Variants in SHISA6 observed in about 807,000 individuals in gnomAD.
SHISA6 encodes the protein shisa family member 6.
SHISA6 carries 22 observed loss-of-function variants against 47.9 expected under a neutral mutation model. The ratio of observed to expected loss-of-function variants is 0.46; its 90% confidence interval spans 0.33 to 0.66. The LOEUF is 0.66. Ranked by LOEUF, SHISA6 falls within the 30% of genes least tolerant of loss-of-function variation. The pLI, the probability that SHISA6 is intolerant of heterozygous loss-of-function variation, is 0.02. For missense variants in SHISA6, 680 were observed against 764.6 expected, an observed-to-expected ratio of 0.89 and a Z score of 1.30; for synonymous variants, 388 against 337.8, an observed-to-expected ratio of 1.15 and a Z score of -1.63.
At chr17:11,536,585 G>A (rs1171690426) in intron 3 of SHISA6, among the ~76,000 whole-genome samples, 2 of 152,124 alleles carry the variant, frequency 1.3e-5, no homozygotes, top group South Asian at 4.1e-4. Context: ...TCTGAAATTT[G>A]CAAAAGAATC....
At chr17:11,415,192 GTATT>G (rs1449143070) in intron 3 of SHISA6, among the ~76,000 whole-genome samples, 1 of 152,138 alleles carries the variant, frequency 6.6e-6, no homozygotes, top group African/African-American at 2.4e-5. Context: ...GGTGTACTAA[GTATT>G]TGTATGTGAT....
intron 3 of SHISA6, among the ~76,000 whole-genome samples, chr17:11,531,101 C>A (rs886461265): frequency 6.6e-6 from 1 of 151,984 alleles, no homozygotes; most frequent in Non-Finnish European, 1.5e-5. Flanking sequence ...AACAAAGAAA[C>A]AGCTCAGATA....
chr17:11,356,989 C>T (rs138116079), intron 2 of SHISA6, among the ~76,000 whole-genome samples: 2 of 151,734 alleles, frequency 1.3e-5, no homozygotes, highest in African/African-American at 2.4e-5. Flanking sequence ...TGGCCAACAT[C>T]GTGAAATCCT....
intron 3 of SHISA6, among the ~76,000 whole-genome samples, chr17:11,404,523 A>G (rs1180564185): frequency 1.3e-5 from 2 of 151,630 alleles, no homozygotes; most frequent in African/African-American, 4.8e-5. Flanking sequence ...TTGACTGACC[A>G]CCCCCATTTG....
intron 3 of SHISA6, among the ~76,000 whole-genome samples, chr17:11,383,600 T>G (rs1913100458): frequency 6.6e-6 from 1 of 152,144 alleles, no homozygotes; most frequent in Admixed American, 6.5e-5. Flanking sequence ...TAGCACTACC[T>G]TAGGCTTCCC....
intron 2 of SHISA6, among the ~76,000 whole-genome samples, chr17:11,333,848 A>G (rs906941616): frequency 2.6e-5 from 4 of 152,140 alleles, no homozygotes; most frequent in Non-Finnish European, 5.9e-5. Context: ...AAAAACCCCT[A>G]AACAATGGAG....
At chr17:11,447,172 G>C (rs1915260462) in intron 3 of SHISA6, among the ~76,000 whole-genome samples, 1 of 152,142 alleles carries the variant, frequency 6.6e-6, no homozygotes, top group African/African-American at 2.4e-5. Flanking sequence ...ATACACATTA[G>C]AACACAAGAA....
At chr17:11,336,194 C>G (rs1293839568) in intron 2 of SHISA6, among the ~76,000 whole-genome samples, 1 of 152,060 alleles carries the variant, frequency 6.6e-6, no homozygotes, top group Non-Finnish European at 1.5e-5. Context: ...GAGCAAGACT[C>G]ACTCTCTCAA....
At chr17:11,555,251 C>G (rs1345363813) in intron 4 of SHISA6, among the ~76,000 whole-genome samples, 7 of 152,136 alleles carry the variant, frequency 4.6e-5, no homozygotes. Context: ...GGTTGGGTCT[C>G]AGTGGAGCTG....
intron 3 of SHISA6, among the ~76,000 whole-genome samples, chr17:11,448,222 G>A (rs971918242): frequency 3.8e-5 from 5 of 131,070 alleles, no homozygotes; most frequent in South Asian, 2.6e-4. Flanking sequence ...TCTTTGGGGC[G>A]GGCTTAATCT....
chr17:11,458,391 G>A (rs1026888374), intron 3 of SHISA6, among the ~76,000 whole-genome samples: 2 of 152,134 alleles, frequency 1.3e-5, no homozygotes, highest in Non-Finnish European at 2.9e-5. Context: ...TGGGTGTGTT[G>A]TCAGGGAATA....
At chr17:11,544,075 T>C (rs2908959) in intron 3 of SHISA6, among the ~76,000 whole-genome samples, 62,133 of 149,970 alleles carry the variant, frequency 0.41, 13,173 homozygotes, top group East Asian at 0.59. Flanking sequence ...TAACTCAAAA[T>C]AGATCATGTA....
chr17:11,368,898 G>A (rs536057659), intron 2 of SHISA6, among the ~76,000 whole-genome samples: 2 of 152,166 alleles, frequency 1.3e-5, no homozygotes, highest in East Asian at 1.9e-4. Flanking sequence ...TTCGTGATCC[G>A]CCCACCTCAG....
intron 3 of SHISA6, among the ~76,000 whole-genome samples, chr17:11,519,485 G>A (rs1417165947): frequency 6.6e-6 from 1 of 152,202 alleles, no homozygotes; most frequent in African/African-American, 2.4e-5. Context: ...AAGTGCTGCA[G>A]TGAGGAGGGA....
intron 2 of SHISA6, among the ~76,000 whole-genome samples, chr17:11,269,049 GTT>G (rs113666166): frequency 2.9e-5 from 4 of 138,434 alleles, no homozygotes; most frequent in African/African-American, 1.2e-4. Flanking sequence ...TGTCTGTTTT[GTT>G]TTTTTTTTTT....
chr17:11,404,960 G>A (rs1913900640), intron 3 of SHISA6, among the ~76,000 whole-genome samples: 1 of 152,082 alleles, frequency 6.6e-6, no homozygotes, highest in Non-Finnish European at 1.5e-5. Flanking sequence ...TCCATTCCCT[G>A]ATTTCTGCAC....
Position 11,431,150 on chromosome 17 carries a change from CCT to C in SHISA6, c.895+51642_895+51643del, listed in dbSNP as rs1299724215. ...GACGGGATTCTCTTCTCATGTCCCC[CCT>C]GAGTCATCAGCCCAGCAGCTTGTTC... On this transcript the variant is annotated intron_variant, in intron 3 of 5. Coordinates refer to ENST00000441885, the MANE Select transcript of SHISA6 (RefSeq NM_207386.4). Among the ~76,000 whole-genome samples, 9 of 152,302 alleles carry C rather than the reference CCT, an allele frequency of 5.9e-5. No homozygotes were observed. The East Asian group carries it at 9.7e-4, about 16-fold the overall frequency.
chr17:11,356,588 C>T (rs1457782290), intron 2 of SHISA6, among the ~76,000 whole-genome samples: 1 of 152,158 alleles, frequency 6.6e-6, no homozygotes, highest in Non-Finnish European at 1.5e-5. Context: ...AGGAGTCACA[C>T]TCCATCTGCT....
At chr17:11,314,597 A>G (rs4792129) in intron 2 of SHISA6, among the ~76,000 whole-genome samples, 112,494 of 150,132 alleles carry the variant, frequency 0.75, 42,042 homozygotes, top group Middle Eastern at 0.78. Flanking sequence ...GTACAATGGC[A>G]CAGTCTCGGC....
Sources: allele counts gnomAD v4.1 joint callset (sites outside exome capture counted in the v4.1 genomes callset), GRCh38; gene constraint gnomAD v4.1.1; transcripts MANE v1.5; gene names NCBI Gene and HGNC (gene_info 2026-07-23, HGNC 2026-07-21).